The following ADGRL3 variants were observed in gnomAD, a reference collection of about 807,000 sequenced individuals.
ADGRL3 encodes adhesion G protein-coupled receptor L3.
In ADGRL3, 62 loss-of-function variants were observed where a neutral mutation model predicts 153.5. The ratio of observed to expected loss-of-function variants is 0.40; its 90% CI spans 0.33 to 0.50. The LOEUF (loss-of-function observed/expected upper bound fraction) is 0.50, where lower values mean the gene tolerates loss of function less well. ADGRL3 is among the 20% of genes least tolerant of loss of function. The pLI is 0.47. For synonymous variants in ADGRL3, 710 were observed against 672.5 expected (o/e 1.06, Z -0.86); for missense variants, 1,641 against 1,859.4 (o/e 0.88, Z 2.16).
At chr4:61,212,580 T>G (rs1392240292) in intron 1 of ADGRL3, among the ~76,000 whole-genome samples, 1 of 145,880 alleles carries the variant, frequency 6.9e-6, no homozygotes, top group African/African-American at 2.8e-5. Context: ...TGAGGTGCCT[T>G]AAAGCTATTA....
rs1449660851 is a variant in ADGRL3, at chr4:62,076,336, G to C, written c.*5428G>C. The C allele has an allele frequency of 3.9e-5, 6 of 151,988 alleles. No individual in the cohort carries two copies. The highest frequency in any genetic ancestry group is 8.8e-5 in the Non-Finnish European group (6 of 67,938). The allele number at this position is 151,988 out of a possible 1,614,324, so 9.4% of individuals were successfully genotyped here. On this transcript the variant is annotated 3_prime_UTR_variant, in exon 27 of 27. Transcript: ENST00000683033. ...CCGTTACAGTATTTCAAAGGTAAAT[G>C]CAAACTAATTTTTAGGAAGGCTTGT...
chr4:61,240,666 G>A lies in ADGRL3; in HGVS notation c.-240+38901G>A, dbSNP rs139174016. 1.9e-3 allele frequency among the ~76,000 whole-genome samples: 294 copies of A among 152,170 alleles called. 3 individuals are homozygous for A. Among genetic ancestry groups the A allele is most frequent in the African/African-American group, 6.7e-3 (280 of 41,550 alleles). On this transcript the variant is annotated intron_variant, in intron 1 of 26. Transcript: ENST00000683033. ...AATTTTAAGAAAGTTCAATGGGTAT[G>A]TAGAGCTATTTACAGATGTTTGCTA... is the stretch of plus-strand genomic sequence containing the variant.
intron 1 of ADGRL3, among the ~76,000 whole-genome samples, chr4:61,377,341 C>G (rs922198142): frequency 1.3e-5 from 2 of 152,008 alleles, no homozygotes; most frequent in Admixed American, 1.3e-4. Context: ...TGAAACTCAG[C>G]CTTCTATAAG....
chr4:61,465,863 T>A (rs1045875790), intron 2 of ADGRL3, among the ~76,000 whole-genome samples: 1 of 151,182 alleles, frequency 6.6e-6, no homozygotes, highest in Non-Finnish European at 1.5e-5. Flanking sequence ...GTCTCACGCC[T>A]GTAACCCGAG....
chr4:61,201,691 A>G lies in ADGRL3; in HGVS notation c.-314A>G, dbSNP rs927332624. On this transcript the variant is annotated 5_prime_UTR_variant, in exon 1 of 27. Transcript: ENST00000683033. ...CTTTTGCCCCGGGCTCAATGGCTGG[A>G]TTGTGGAAACTGCACCCGCCTTCAG... 2 of 152,146 alleles carry G rather than the reference A, an allele frequency of 1.3e-5. No homozygotes were observed. Among genetic ancestry groups the G allele is most frequent in the African/African-American group, 2.4e-5 (1 of 41,374 alleles). 9.4% of individuals were successfully genotyped at this position (152,146 alleles called of 1,614,324 possible).
At chr4:62,004,121 T>C (rs552701163) in intron 21 of ADGRL3, among the ~76,000 whole-genome samples, 2 of 152,212 alleles carry the variant, frequency 1.3e-5, no homozygotes, top group African/African-American at 4.8e-5. Flanking sequence ...GGTTGAGGTC[T>C]ATAAAAGTAA....
intron 9 of ADGRL3, among the ~76,000 whole-genome samples, chr4:61,891,417 G>GA: frequency 6.6e-6 from 1 of 152,040 alleles, no homozygotes; most frequent in Middle Eastern, 3.4e-3. Flanking sequence ...GAGAGGGAGG[G>GA]AAAATAGAAG....
intron 5 of ADGRL3, among the ~76,000 whole-genome samples, chr4:61,629,683 C>T (rs1171475847): frequency 8.0e-6 from 1 of 124,696 alleles, no homozygotes; most frequent in Non-Finnish European, 1.6e-5. Flanking sequence ...CACCACTGCA[C>T]TCCAGCCTAG....
chr4:61,952,323 AC>A (rs1172096489), intron 17 of ADGRL3, among the ~76,000 whole-genome samples: 2 of 151,914 alleles, frequency 1.3e-5, no homozygotes, highest in African/African-American at 4.8e-5. Flanking sequence ...TTTAAAAAAC[AC>A]CAAAATTAGC....
In ADGRL3 at chr4:61,351,427, C is replaced by A. The variant is rs188493612; in HGVS notation, c.-239-31697C>A. 3.8e-3 allele frequency among the ~76,000 whole-genome samples: 578 copies of A among 152,242 alleles called. 7 individuals are homozygous for A. The highest frequency in any genetic ancestry group is 5.5e-3 in the Non-Finnish European group (376 of 68,008). ...AAGATCATTGATGAAGGTGGCTACA[C>A]AAAACAAAAGATTTTCAATGTGGAC... On this transcript the variant is annotated intron_variant, in intron 1 of 26. Coordinates refer to ENST00000683033, the MANE Select transcript of ADGRL3 (RefSeq NM_001387552.1).
At chr4:61,480,430 A>G (rs1286737428) in intron 2 of ADGRL3, among the ~76,000 whole-genome samples, 2 of 152,134 alleles carry the variant, frequency 1.3e-5, no homozygotes, top group Non-Finnish European at 2.9e-5. Context: ...TCAGTTTGTT[A>G]ATATTCAAAA....
At chr4:61,744,895 C>T (rs2096634077) in intron 8 of ADGRL3, among the ~76,000 whole-genome samples, 1 of 152,144 alleles carries the variant, frequency 6.6e-6, no homozygotes, top group Non-Finnish European at 1.5e-5. Flanking sequence ...GAGAAGAAGC[C>T]TTCAGACGAT....
chr4:61,404,956 A>G (rs142751894), intron 2 of ADGRL3, among the ~76,000 whole-genome samples: 24 of 152,174 alleles, frequency 1.6e-4, no homozygotes, highest in African/African-American at 5.5e-4. Flanking sequence ...AAATGATGGG[A>G]TACATATAAA....
At chr4:61,378,732 T>G (rs1258158202) in intron 1 of ADGRL3, among the ~76,000 whole-genome samples, 1 of 151,994 alleles carries the variant, frequency 6.6e-6, no homozygotes, top group East Asian at 1.9e-4. Context: ...AACCAGACTC[T>G]GTGAAAAATA....
chr4:61,411,320 C>T (rs772659429), intron 2 of ADGRL3, among the ~76,000 whole-genome samples: 5 of 152,102 alleles, frequency 3.3e-5, no homozygotes, highest in Non-Finnish European at 5.9e-5. Context: ...ATTTCACTGA[C>T]TGTCTCTCAA....
At chr4:61,678,586 T>C (rs1254849915) in intron 6 of ADGRL3, among the ~76,000 whole-genome samples, 1 of 151,954 alleles carries the variant, frequency 6.6e-6, no homozygotes, top group African/African-American at 2.4e-5. Flanking sequence ...TTACCACAGG[T>C]TTCCTTTCTC....
chr4:61,592,199 T>A (rs2098972509), intron 5 of ADGRL3, among the ~76,000 whole-genome samples: 2 of 152,114 alleles, frequency 1.3e-5, no homozygotes, highest in South Asian at 4.1e-4. Context: ...TCTGCTGAAG[T>A]CATTCGGGGT....
At chr4:61,934,235 A>C (rs2098829167) in intron 13 of ADGRL3, among the ~76,000 whole-genome samples, 1 of 152,224 alleles carries the variant, frequency 6.6e-6, no homozygotes, top group Admixed American at 6.5e-5. Flanking sequence ...AGTAGTAAAC[A>C]GCATGAAGGA....
intron 9 of ADGRL3, among the ~76,000 whole-genome samples, chr4:61,875,354 A>G (rs527395727): frequency 6.6e-6 from 1 of 152,364 alleles, no homozygotes; most frequent in African/African-American, 2.4e-5. Context: ...GATAAATGGA[A>G]TAGTGAAAGA....
Sources: gnomAD v4.1 joint callset for allele counts (sites outside exome capture counted in the v4.1 genomes callset) on GRCh38, gnomAD v4.1.1 for gene constraint, MANE v1.5 for transcripts, NCBI Gene and HGNC (gene_info 2026-07-23, HGNC 2026-07-21) for gene names.